The following DEPDC4 variants were observed in gnomAD, a reference collection of about 807,000 sequenced individuals.
DEPDC4 encodes the protein DEP domain containing 4.
A neutral mutation model predicts 52.0 loss-of-function variants in DEPDC4; 52 were observed. The ratio of observed to expected loss-of-function variants is 1.00; its 90% confidence interval spans 0.80 to 1.26. The LOEUF is 1.26. DEPDC4 is among the 50% of genes most tolerant of loss of function. The pLI is 0.00. For synonymous variants in DEPDC4, 201 were observed against 196.8 expected, an observed-to-expected ratio of 1.02 and a Z score of -0.18; for missense variants, 530 against 546.9, an observed-to-expected ratio of 0.97 and a Z score of 0.31.
At chr12:100,272,600 G>C in the DEPDC4 span, among the ~76,000 whole-genome samples, 1 of 152,028 alleles carries the variant, frequency 6.6e-6, no homozygotes, top group Non-Finnish European at 1.5e-5. Flanking sequence ...TGTCATTCAG[G>C]CAGCTCAAAT....
chr12:100,270,187 C>T (rs531588808), upstream of DEPDC4, among the ~76,000 whole-genome samples: 1 of 152,002 alleles, frequency 6.6e-6, no homozygotes, highest in Non-Finnish European at 1.5e-5. Context: ...GGCGTTTCAC[C>T]GTGTTAGGCA....
At chr12:100,247,201 G>GTTTTTTTTTTTTTT (rs869121983) in intron 8 of DEPDC4, among the ~76,000 whole-genome samples, 1 of 71,646 alleles carries the variant, frequency 1.4e-5, no homozygotes, top group Non-Finnish European at 2.5e-5. Context: ...TCCCCTTAGT[G>GTTTTTTTTTTTTTT]TTTTTTTTTT....
At chr12:100,235,462 T>C (rs2096139928), downstream of DEPDC4, among the ~76,000 whole-genome samples, 1 of 151,926 alleles carries the variant, frequency 6.6e-6, no homozygotes, top group Non-Finnish European at 1.5e-5. Flanking sequence ...ATTTGTGAGA[T>C]TTTGGGGCAC....
downstream of DEPDC4, among the ~76,000 whole-genome samples, chr12:100,236,325 C>T (rs1247085082): frequency 6.6e-6 from 1 of 152,072 alleles, no homozygotes; most frequent in African/African-American, 2.4e-5. Context: ...TAGAAGTGTT[C>T]CTTGTTCACC....
At chr12:100,248,119 T>C (rs964677922) in intron 8 of DEPDC4, among the ~76,000 whole-genome samples, 1 of 152,170 alleles carries the variant, frequency 6.6e-6, no homozygotes, top group African/African-American at 2.4e-5. Flanking sequence ...GGGCTCAGTA[T>C]ATGTGTCAGC....
At chr12:100,271,281 A>AAAAAAAAAAAAG (rs869276181), upstream of DEPDC4, among the ~76,000 whole-genome samples, 5 of 128,904 alleles carry the variant, frequency 3.9e-5, no homozygotes, top group African/African-American at 8.3e-5. Context: ...AAAAAAAAAA[A>AAAAAAAAAAAAG]AGAGAGAGAG....
chr12:100,263,365 T>C, intron 2 of DEPDC4, 132 bp downstream of exon 2: 1 of 694,164 alleles, frequency 1.4e-6, no homozygotes, highest in East Asian at 2.9e-5. Flanking sequence ...AATGCATAAG[T>C]GGATTAATTT....
chr12:100,271,332 A>G (rs2096287490), upstream of DEPDC4, among the ~76,000 whole-genome samples: 1 of 151,882 alleles, frequency 6.6e-6, no homozygotes, highest in Non-Finnish European at 1.5e-5. Flanking sequence ...ACAAACAGGT[A>G]AGTACTGCAT....
chr12:100,267,217 C>G (rs981016892), upstream of DEPDC4: 9 of 832,296 alleles, frequency 1.1e-5, no homozygotes, highest in Non-Finnish European at 1.5e-5. Flanking sequence ...CCCGGTCCCT[C>G]CCCTCCCCAC....
downstream of DEPDC4, among the ~76,000 whole-genome samples, chr12:100,236,538 TG>T (rs1369417286): frequency 1.3e-5 from 2 of 152,100 alleles, no homozygotes; most frequent in African/African-American, 4.8e-5. Flanking sequence ...TTGATGGGAT[TG>T]TTTTTTTCTT....
chr12:100,267,328 C>T, upstream of DEPDC4: 2 of 399,220 alleles, frequency 5.0e-6, no homozygotes, highest in South Asian at 1.0e-4. Context: ...GCAGGAACAG[C>T]CAGGAGGCGT....
chr12:100,265,355 G>A (rs1238374316), intron 1 of DEPDC4, among the ~76,000 whole-genome samples: 6 of 152,152 alleles, frequency 3.9e-5, no homozygotes, highest in Non-Finnish European at 2.9e-5. Flanking sequence ...CAGCACTTTG[G>A]GAGGCTGAGG....
chr12:100,259,304 C>T (rs1032611341), intron 3 of DEPDC4, among the ~76,000 whole-genome samples: 9 of 152,050 alleles, frequency 5.9e-5, no homozygotes, highest in Admixed American at 2.0e-4. Flanking sequence ...CATGAGAAAC[C>T]TTATGAAGGG....
At chr12:100,265,552 G>A (rs936696021) in intron 1 of DEPDC4, among the ~76,000 whole-genome samples, 7 of 152,020 alleles carry the variant, frequency 4.6e-5, no homozygotes, top group African/African-American at 9.7e-5. Context: ...CCGAGATCAC[G>A]CCATTGCACT....
At chr12:100,232,652 G>C (rs1187140537) in intron 9 of DEPDC4, among the ~76,000 whole-genome samples, 1 of 152,130 alleles carries the variant, frequency 6.6e-6, no homozygotes, top group Non-Finnish European at 1.5e-5. Flanking sequence ...GGGAGGCCAA[G>C]GTGGGCGGAT....
At chr12:100,259,094 A>ATATATATATATATT (rs1279516800) in intron 3 of DEPDC4, among the ~76,000 whole-genome samples, 2 of 151,728 alleles carry the variant, frequency 1.3e-5, no homozygotes. Flanking sequence ...ATATATATAT[A>ATATATATATATATT]TCCCATGTAC....
chr12:100,243,454 G>A (rs10778048), intron 8 of DEPDC4, among the ~76,000 whole-genome samples: 59,477 of 151,812 alleles, frequency 0.39, 14,332 homozygotes, highest in African/African-American at 0.67. Context: ...CTACTTTATC[G>A]AGGAAAATGG....
At chr12:100,253,738 A>C in intron 4 of DEPDC4, 23 bp from the exon 5 acceptor site, 1 of 1,194,964 alleles carries the variant, frequency 8.4e-7, no homozygotes, top group Non-Finnish European at 1.1e-6. Flanking sequence ...TGCAAACCAA[A>C]ATAAAGCAAT....
chr12:100,261,611 A>G, intron 3 of DEPDC4: 1 of 423,718 alleles, frequency 2.4e-6, no homozygotes, highest in Non-Finnish European at 4.7e-6. Flanking sequence ...GACAAATACT[A>G]AGGACTGTGG....
Sources: gnomAD v4.1 joint callset for allele counts (sites outside exome capture counted in the v4.1 genomes callset) on GRCh38, gnomAD v4.1.1 for gene constraint, MANE v1.5 for transcripts, NCBI Gene and HGNC (gene_info 2026-07-23, HGNC 2026-07-21) for gene names.